The following PDE4B variants were observed in gnomAD, a reference collection of about 807,000 sequenced individuals.
The protein encoded by PDE4B is phosphodiesterase 4B, also known as 3',5'-cyclic-AMP phosphodiesterase 4B.
Under a neutral mutation model 82.2 loss-of-function variants are expected in PDE4B, and 20 were observed. The observed-to-expected ratio is 0.24, with a 90% confidence interval of 0.17 to 0.35. The LOEUF is 0.35. Ranked by LOEUF, PDE4B falls within the 10% of genes least tolerant of loss-of-function variation. PDE4B has a pLI of 1.00. For missense variants in PDE4B, 655 were observed against 907.2 expected, an observed-to-expected ratio of 0.72 and a Z score of 3.57; for synonymous variants, 320 against 318.9, an observed-to-expected ratio of 1.00 and a Z score of -0.04.
chr1:66,231,618 A>C (rs1373339424), intron 3 of PDE4B, among the ~76,000 whole-genome samples: 1 of 152,264 alleles, frequency 6.6e-6, no homozygotes, highest in Non-Finnish European at 1.5e-5. Context: ...AATGCTTTGC[A>C]AATGTGTTTC....
intron 3 of PDE4B, among the ~76,000 whole-genome samples, chr1:66,141,993 G>A (rs1646182946): frequency 6.6e-6 from 1 of 151,956 alleles, no homozygotes; most frequent in Admixed American, 6.6e-5. Context: ...AAGCCTCGCA[G>A]GTAACATACT....
intron 7 of PDE4B, among the ~76,000 whole-genome samples, chr1:66,269,700 C>G (rs1252049237): frequency 6.6e-6 from 1 of 152,176 alleles, no homozygotes; most frequent in Non-Finnish European, 1.5e-5. Context: ...CCATTCCATC[C>G]TATCCTTTGC....
At chr1:65,980,467 T>C (rs1256881743) in intron 3 of PDE4B, among the ~76,000 whole-genome samples, 1 of 152,208 alleles carries the variant, frequency 6.6e-6, no homozygotes, top group African/African-American at 2.4e-5. Flanking sequence ...AAAAATCTGA[T>C]GGAATCTACA....
intron 3 of PDE4B, among the ~76,000 whole-genome samples, chr1:65,973,773 A>G (rs925951730): frequency 6.6e-6 from 1 of 151,786 alleles, no homozygotes; most frequent in Non-Finnish European, 1.5e-5. Context: ...ATACAAAACA[A>G]TGCAAAACCA....
chr1:66,204,135 A>G (rs937386755), intron 3 of PDE4B, among the ~76,000 whole-genome samples: 15 of 152,202 alleles, frequency 9.9e-5, no homozygotes, highest in African/African-American at 3.4e-4. Context: ...TTGCCTGGGT[A>G]TCAGCAGCGG....
At chr1:65,955,183 C>T (rs1649192124) in intron 3 of PDE4B, among the ~76,000 whole-genome samples, 1 of 152,108 alleles carries the variant, frequency 6.6e-6, no homozygotes, top group Non-Finnish European at 1.5e-5. Flanking sequence ...CAAAATCCTT[C>T]CCTGTACCCT....
rs150686190 is a variant in PDE4B at position 66,000,437 on chromosome 1, GGAAAT to G, written c.281+81603_281+81607del. Among the ~76,000 whole-genome samples the G allele has an allele frequency of 1.9e-3, 287 of 152,284 alleles. 1 individual carries two copies. The highest frequency in any genetic ancestry group is 6.7e-3 in the African/African-American group (277 of 41,558). On this transcript the variant is annotated intron_variant, in intron 3 of 16. Coordinates refer to ENST00000341517, the MANE Select transcript of PDE4B (RefSeq NM_002600.4). ...AAGAAGTCTATGACTTGCAGAGTGA[GGAAAT>G]TGCAAGTTAATAACCCTTGTACTCT...
At chr1:66,193,509 A>C (rs1648003973) in intron 3 of PDE4B, among the ~76,000 whole-genome samples, 1 of 152,166 alleles carries the variant, frequency 6.6e-6, no homozygotes, top group African/African-American at 2.4e-5. Flanking sequence ...AAAAAGCCTG[A>C]GACCTGTGAG....
chr1:65,877,186 A>G (rs1165687511), intron 1 of PDE4B, among the ~76,000 whole-genome samples: 2 of 152,224 alleles, frequency 1.3e-5, no homozygotes, highest in Non-Finnish European at 2.9e-5. Context: ...ACAGCATGGT[A>G]CTGGTACCAA....
intron 3 of PDE4B, among the ~76,000 whole-genome samples, chr1:66,087,874 G>C (rs1388261310): frequency 3.5e-5 from 4 of 115,186 alleles, no homozygotes; most frequent in Non-Finnish European, 5.3e-5. Flanking sequence ...GTTGTGGGGT[G>C]GGGGGAGGGG....
chr1:66,214,419 G>A (rs982900914), intron 3 of PDE4B, among the ~76,000 whole-genome samples: 5 of 152,112 alleles, frequency 3.3e-5, no homozygotes, highest in Non-Finnish European at 7.4e-5. Flanking sequence ...AAGGGAGTTG[G>A]AGGTGAATTC....
rs371829302 is a variant in PDE4B, at chr1:66,373,913, T to G, written c.*1235T>G. 1 of 152,616 alleles carries G rather than the reference T, an allele frequency of 6.6e-6. No homozygotes were observed. Among genetic ancestry groups the G allele is most frequent in the South Asian group, 2.1e-4 (1 of 4,834 alleles). 9.5% of individuals were successfully genotyped at this position (152,616 alleles called of 1,614,324 possible). On this transcript the variant is annotated 3_prime_UTR_variant, in exon 17 of 17. Coordinates refer to ENST00000341517, the MANE Select transcript of PDE4B (RefSeq NM_002600.4). ...TGAGTTGCTACTTCTGCACAACCCC[T>G]TTATGAACCAGTTTTGGAAACAATA...
chr1:65,881,813 A>G (rs568603933), intron 1 of PDE4B, among the ~76,000 whole-genome samples: 184 of 152,332 alleles, frequency 1.2e-3, no homozygotes, highest in Non-Finnish European at 2.1e-3. Flanking sequence ...TAAAAATATT[A>G]TAGCCTCCAG....
At chr1:65,839,367 C>T (rs1646181242) in intron 1 of PDE4B, among the ~76,000 whole-genome samples, 1 of 151,884 alleles carries the variant, frequency 6.6e-6, no homozygotes, top group Admixed American at 6.6e-5. Context: ...TTTGCTGCAC[C>T]CATAAACCCA....
chr1:66,136,697 CAAAAAAAAAA>C (rs5774802), intron 3 of PDE4B, among the ~76,000 whole-genome samples: 1 of 61,564 alleles, frequency 1.6e-5, no homozygotes, highest in East Asian at 5.3e-4. Context: ...GACTCCCTCT[CAAAAAAAAAA>C]AAAAAAAAAA....
chr1:65,947,516 C>T (rs1648774589), intron 3 of PDE4B, among the ~76,000 whole-genome samples: 1 of 151,956 alleles, frequency 6.6e-6, no homozygotes, highest in Non-Finnish European at 1.5e-5. Flanking sequence ...GAAGTCCTAT[C>T]CCCTGGTATC....
chr1:66,232,572 TGAGCCCA>T (rs2101635486), intron 3 of PDE4B, among the ~76,000 whole-genome samples: 1 of 152,290 alleles, frequency 6.6e-6, no homozygotes, highest in Non-Finnish European at 1.5e-5. Context: ...AGCGTAAAGC[TGAGCCCA>T]GGGGCCCTCC....
rs148563557 is a variant in PDE4B, at chr1:65,825,581, C to T, written c.-71+32333C>T. Among the ~76,000 whole-genome samples, 176 of 152,102 alleles carry T rather than the reference C, an allele frequency of 1.2e-3. 1 individual carries two copies. The East Asian group carries it at 0.025, about 21-fold the overall frequency. ...TCTATTGGGGCCAGGTGCAGTGGCTCACACCTGTAATCCCAGCATTTTGGG... is the reference window on the plus strand; with the variant it reads ...TCTATTGGGGCCAGGTGCAGTGGCTTACACCTGTAATCCCAGCATTTTGGG... On this transcript the variant is annotated intron_variant, in intron 1 of 16. Transcript: ENST00000341517.
intron 3 of PDE4B, among the ~76,000 whole-genome samples, chr1:65,972,820 A>G (rs1473801298): frequency 6.6e-6 from 1 of 152,186 alleles, no homozygotes; most frequent in Non-Finnish European, 1.5e-5. Context: ...TTCAGTAAAG[A>G]GAGGAGAAAA....
Sources: allele counts gnomAD v4.1 joint callset (sites outside exome capture counted in the v4.1 genomes callset), GRCh38; gene constraint gnomAD v4.1.1; transcripts MANE v1.5; gene names NCBI Gene and HGNC (gene_info 2026-07-23, HGNC 2026-07-21).